The following KALRN variants were observed in gnomAD, a reference collection of about 807,000 sequenced individuals.
The protein encoded by KALRN is kalirin.
In KALRN, 70 loss-of-function variants were observed where a neutral mutation model predicts 353.7. That is an observed-to-expected ratio of 0.20 (90% CI 0.16 to 0.24). KALRN has a LOEUF of 0.24. Among genes scored for constraint, KALRN ranks in the 10% least tolerant of loss-of-function variants. The pLI, the probability that KALRN is intolerant of heterozygous loss-of-function variation, is 1.00. For missense variants in KALRN, 2,791 were observed against 3,756.7 expected (o/e 0.74, Z 6.72); for synonymous variants, 1,391 against 1,434.8 (o/e 0.97, Z 0.69).
intron 47 of KALRN, among the ~76,000 whole-genome samples, chr3:124,671,382 GCT>G (rs933601328): frequency 6.6e-6 from 1 of 152,120 alleles, no homozygotes; most frequent in African/African-American, 2.4e-5. Flanking sequence ...TCTGGCCACA[GCT>G]CTCTTCCGAA....
chr3:124,346,517 T>A (rs1374730237), intron 9 of KALRN, among the ~76,000 whole-genome samples: 1 of 152,140 alleles, frequency 6.6e-6, no homozygotes, highest in African/African-American at 2.4e-5. Flanking sequence ...CACTTTAATT[T>A]ATTTGTTTGT....
chr3:124,642,488 C>T (rs1287943005), intron 37 of KALRN, among the ~76,000 whole-genome samples: 1 of 152,028 alleles, frequency 6.6e-6, no homozygotes, highest in Non-Finnish European at 1.5e-5. Context: ...GGTGGCCTGG[C>T]ACCCTGAGAA....
chr3:124,573,727 C>G (rs1321221088), intron 34 of KALRN, among the ~76,000 whole-genome samples: 1 of 152,172 alleles, frequency 6.6e-6, no homozygotes, highest in Non-Finnish European at 1.5e-5. Flanking sequence ...CCCTCAGTCT[C>G]TATTCCTAAC....
chr3:124,659,339 T>C, intron 42 of KALRN, 26 bp from the exon 43 acceptor site: 2 of 1,535,234 alleles, frequency 1.3e-6, no homozygotes, highest in South Asian at 1.1e-5. Context: ...TTCCTTTTTC[T>C]TCTAATATTG....
At chr3:124,398,380 C>G (rs571739932) in intron 12 of KALRN, among the ~76,000 whole-genome samples, 1 of 152,260 alleles carries the variant, frequency 6.6e-6, no homozygotes, top group African/African-American at 2.4e-5. Context: ...TTCCATTTCT[C>G]TAATATTTTA....
intron 1 of KALRN, among the ~76,000 whole-genome samples, chr3:124,190,936 C>T (rs973859053): frequency 6.6e-6 from 1 of 152,174 alleles, no homozygotes; most frequent in Non-Finnish European, 1.5e-5. Context: ...ATCATCAGCC[C>T]CAGGTTGTGA....
At chr3:124,254,956 T>A (rs576358750) in intron 3 of KALRN, among the ~76,000 whole-genome samples, 1,697 of 151,334 alleles carry the variant, frequency 0.011, 27 homozygotes, top group African/African-American at 0.034. Flanking sequence ...ATATATATTT[T>A]TTTTTTGAGA....
chr3:124,302,192 G>A (rs981020981), intron 6 of KALRN, among the ~76,000 whole-genome samples: 2 of 152,190 alleles, frequency 1.3e-5, no homozygotes, highest in African/African-American at 4.8e-5. Flanking sequence ...ATTGGATACT[G>A]AGCATATAGT....
At chr3:124,118,217 AG>A (rs914591357) in intron 1 of KALRN, among the ~76,000 whole-genome samples, 2 of 151,310 alleles carry the variant, frequency 1.3e-5, no homozygotes, top group Non-Finnish European at 2.9e-5. Context: ...GCCATATTTC[AG>A]GGAGACTACG....
intron 56 of KALRN, among the ~76,000 whole-genome samples, chr3:124,701,388 C>CT (rs1399269729): frequency 1.6e-4 from 16 of 99,302 alleles, no homozygotes; most frequent in Admixed American, 2.4e-4. Flanking sequence ...TTCTTTCTTT[C>CT]TTTTTTTTTT....
At chr3:124,674,258 C>G in intron 48 of KALRN, 106 bp from the exon 49 acceptor site, 1 of 1,116,150 alleles carries the variant, frequency 9.0e-7, no homozygotes, top group Non-Finnish European at 1.3e-6. Flanking sequence ...GCTGCCTACC[C>G]TGCTAGTGGG....
intron 1 of KALRN, among the ~76,000 whole-genome samples, chr3:124,197,222 T>A (rs1180066090): frequency 6.6e-6 from 1 of 152,158 alleles, no homozygotes; most frequent in Non-Finnish European, 1.5e-5. Flanking sequence ...TCCAGACTCC[T>A]AGCATGTTAA....
chr3:124,380,320 T>C (rs1422364968), intron 10 of KALRN, among the ~76,000 whole-genome samples: 1 of 152,190 alleles, frequency 6.6e-6, no homozygotes, highest in Admixed American at 6.5e-5. Flanking sequence ...AATTTAAAAG[T>C]AATGGGCCAA....
chr3:124,238,711 C>T (rs73186300), intron 3 of KALRN, among the ~76,000 whole-genome samples: 42,246 of 152,076 alleles, frequency 0.28, 7,305 homozygotes, highest in Non-Finnish European at 0.4. Flanking sequence ...TAGTCCCCTT[C>T]GACTCCAGGT....
chr3:124,173,375 G>A (rs1168696566), intron 1 of KALRN, among the ~76,000 whole-genome samples: 3 of 152,216 alleles, frequency 2.0e-5, no homozygotes, highest in Non-Finnish European at 2.9e-5. Context: ...CAGACTGGAT[G>A]TAGTGAACAA....
At chr3:124,584,614 G>A in intron 34 of KALRN, 1 of 1,403,538 alleles carries the variant, frequency 7.1e-7, no homozygotes, top group Non-Finnish European at 9.2e-7. Flanking sequence ...CCGCCCCTTA[G>A]GCCCTCCCTC....
chr3:124,242,678 A>C (rs970967782), intron 3 of KALRN, among the ~76,000 whole-genome samples: 1 of 152,198 alleles, frequency 6.6e-6, no homozygotes, highest in Non-Finnish European at 1.5e-5. Flanking sequence ...TTGGAACCTA[A>C]GTGTGAAGGT....
At chr3:124,490,976 C>T (rs2063096135) in intron 30 of KALRN, 92 bp downstream of exon 30, 1 of 1,200,802 alleles carries the variant, frequency 8.3e-7, no homozygotes, top group Admixed American at 2.4e-5. Flanking sequence ...TCATCTCCTC[C>T]CCGGCCTCCA....
Position 124,650,798 on chromosome 3 carries a change from C to G in KALRN, c.5665-10C>G, listed in dbSNP as rs937731522. 6.8e-6 allele frequency: 11 copies of G among 1,611,504 alleles called. No individual in the cohort carries two copies. Among genetic ancestry groups the G allele is most frequent in the African/African-American group, 1.3e-5 (1 of 74,810 alleles). ...TACACTTCTCTAAGCCTGTTTTTCT[C>G]TCTTTTCAGAGTCTAGAAGGAAGCT... On this transcript the variant is annotated splice_polypyrimidine_tract_variant and intron_variant, in intron 37 of 59. Coordinates refer to ENST00000682506, the MANE Select transcript of KALRN (RefSeq NM_001388419.1).
Sources: gnomAD v4.1 joint callset for allele counts (sites outside exome capture counted in the v4.1 genomes callset) on GRCh38, gnomAD v4.1.1 for gene constraint, MANE v1.5 for transcripts, NCBI Gene and HGNC (gene_info 2026-07-23, HGNC 2026-07-21) for gene names.